The following CHD6 variants were observed in gnomAD, a reference collection of about 807,000 sequenced individuals.
CHD6 encodes the protein chromodomain helicase DNA binding protein 6.
Under a neutral mutation model 276.9 loss-of-function variants are expected in CHD6, and 50 were observed. That is an observed-to-expected ratio of 0.18 (90% CI 0.14 to 0.23). CHD6 has a LOEUF of 0.23. Ranked by LOEUF, CHD6 falls within the 10% of genes least tolerant of loss-of-function variation. The pLI, the probability that CHD6 is intolerant of heterozygous loss-of-function variation, is 1.00. For synonymous variants in CHD6, 1,173 were observed against 1,229.3 expected (o/e 0.95, Z 0.96); for missense variants, 2,564 against 3,365.8 (o/e 0.76, Z 5.89).
intron 28 of CHD6, 65 bp downstream of exon 28, chr20:41,426,028 A>G: frequency 8.5e-7 from 1 of 1,171,236 alleles, no homozygotes; most frequent in Non-Finnish European, 1.3e-6. Flanking sequence ...ATTACATATA[A>G]ACTCCACGAT....
chr20:41,489,321 A>G (rs969363562), intron 12 of CHD6, among the ~76,000 whole-genome samples: 2 of 152,186 alleles, frequency 1.3e-5, no homozygotes, highest in African/African-American at 4.8e-5. Flanking sequence ...TAAAAACTTA[A>G]AGAGAAAATG....
chr20:41,589,350 G>GCC (rs2045630960), intron 1 of CHD6, among the ~76,000 whole-genome samples: 1 of 152,132 alleles, frequency 6.6e-6, no homozygotes, highest in African/African-American at 2.4e-5. Flanking sequence ...TCAACATAGT[G>GCC]TTGGAAGTTC....
intron 6 of CHD6, among the ~76,000 whole-genome samples, chr20:41,498,776 T>C (rs955179121): frequency 1.6e-5 from 2 of 125,160 alleles, no homozygotes; most frequent in Admixed American, 8.4e-5. Context: ...TGGGTGTGTA[T>C]GTGTGTATGT....
At chr20:41,441,629 G>A (rs1569081526) in intron 25 of CHD6, among the ~76,000 whole-genome samples, 1 of 152,200 alleles carries the variant, frequency 6.6e-6, no homozygotes, top group Non-Finnish European at 1.5e-5. Flanking sequence ...CTTCTATTCT[G>A]TAGACTTTCT....
chr20:41,555,385 G>A (rs905094523), intron 1 of CHD6, among the ~76,000 whole-genome samples: 13 of 148,710 alleles, frequency 8.7e-5, no homozygotes, highest in East Asian at 2.1e-4. Context: ...CTCCCTCCCG[G>A]ACGGGGCGGC....
intron 3 of CHD6, among the ~76,000 whole-genome samples, chr20:41,524,058 A>G (rs2044468522): frequency 6.6e-6 from 1 of 152,198 alleles, no homozygotes; most frequent in South Asian, 2.1e-4. Context: ...GAGTCTCAGA[A>G]GTCCAGTCCA....
chr20:41,538,558 C>T (rs775468244), intron 2 of CHD6, among the ~76,000 whole-genome samples: 5 of 151,968 alleles, frequency 3.3e-5, no homozygotes, highest in Non-Finnish European at 5.9e-5. Flanking sequence ...TAAATAGTGG[C>T]GATGTTTACA....
At position 41,420,939 on chromosome 20, in the gene CHD6, T is replaced by A. The variant is rs55864139; in HGVS notation, c.5696A>T (p.Asn1899Ile). ...GCCTTGGTTCTTTTCCCTTGAGATG[T>A]TAGTAGTGGGCTCCGTGAGATGCAA... Reference protein sequence around the residue: ...EVLHLTEPTTNISREKNQGFQ... With the variant: ...EVLHLTEPTTIISREKNQGFQ... The change falls in exon 31 of 37, where the codon AAC (asparagine) becomes ATC (isoleucine). Residue 1899 changes from asparagine to isoleucine, a missense_variant. Physicochemically the swap from Asn to Ile is moderately radical, Grantham distance 149. Transcript: ENST00000373233. The A allele has an allele frequency of 0.014, 21,868 of 1,614,172 alleles. 204 individuals are homozygous for A. The highest frequency in any genetic ancestry group is 0.017 in the Admixed American group (1,007 of 60,024).
At chr20:41,507,116 T>A (rs888395582) in intron 5 of CHD6, among the ~76,000 whole-genome samples, 2 of 152,180 alleles carry the variant, frequency 1.3e-5, no homozygotes, top group Non-Finnish European at 2.9e-5. Flanking sequence ...CACATGTACA[T>A]ACACTCAAAG....
At chr20:41,459,858 C>T (rs1287054277) in intron 17 of CHD6, among the ~76,000 whole-genome samples, 1 of 152,156 alleles carries the variant, frequency 6.6e-6, no homozygotes, top group Non-Finnish European at 1.5e-5. Flanking sequence ...AACGCGGAAG[C>T]GACTTTGGAA....
In CHD6 at chr20:41,402,372, G is replaced by C. The variant is rs1305127047; in HGVS notation, c.*2221C>G. 3 of 229,134 alleles carry C rather than the reference G, an allele frequency of 1.3e-5. No homozygotes were observed. The highest frequency in any genetic ancestry group is 2.2e-5 in the African/African-American group (1 of 45,114). The allele number at this position is 229,134 out of a possible 1,614,324, so 14.2% of individuals were successfully genotyped here. A position where few individuals can be genotyped will look rare whatever the true frequency, so the allele number is the denominator to read the frequency against. On this transcript the variant is annotated 3_prime_UTR_variant, in exon 37 of 37. Coordinates refer to ENST00000373233, the MANE Select transcript of CHD6 (RefSeq NM_032221.5). ...AGTCAAATAGAAGCCTGAACACCCA[G>C]AGAGTTAACATACAGATTCCATAAG... is the stretch of plus-strand genomic sequence containing the variant.
At chr20:41,459,889 G>C (rs1455039549) in intron 17 of CHD6, among the ~76,000 whole-genome samples, 1 of 152,246 alleles carries the variant, frequency 6.6e-6, no homozygotes, top group Non-Finnish European at 1.5e-5. Flanking sequence ...GGCAGAGGTT[G>C]GAACAGTTTG....
At chr20:41,453,110 G>A (rs929321002) in intron 20 of CHD6, among the ~76,000 whole-genome samples, 168 bp from the exon 21 acceptor site, 1 of 152,120 alleles carries the variant, frequency 6.6e-6, no homozygotes, top group Non-Finnish European at 1.5e-5. Context: ...CACAGGACAA[G>A]CAGAGAAGAT....
rs904762487 is a variant in CHD6 at position 41,473,603 on chromosome 20, A to T, written c.2469-86T>A. 4.7e-5 allele frequency: 51 copies of T among 1,075,666 alleles called. No individual in the cohort carries two copies. The highest frequency in any genetic ancestry group is 6.8e-5 in the Non-Finnish European group (49 of 722,570). 66.6% of individuals were successfully genotyped at this position (1,075,666 alleles called of 1,614,324 possible). Reference sequence around the variant, plus strand: ...ACAAAATGCAGGAAGCTGTCGACTGATGGCCTTAAATCCCTCACTTCTAAA... The same window carrying T: ...ACAAAATGCAGGAAGCTGTCGACTGTTGGCCTTAAATCCCTCACTTCTAAA... On this transcript the variant is annotated intron_variant, in intron 16 of 36. Coordinates refer to ENST00000373233, the MANE Select transcript of CHD6 (RefSeq NM_032221.5). This position sits in a 1 kb window ranked among gnomAD's most constrained non-coding sequence, Gnocchi z 4.1.
chr20:41,448,088 G>T (rs2048125039), intron 23 of CHD6, 117 bp from the exon 24 acceptor site: 1 of 525,904 alleles, frequency 1.9e-6, no homozygotes, highest in South Asian at 3.6e-5. Context: ...ATATTATGAA[G>T]TAATAGAAGA....
At chr20:41,576,033 A>C (rs1250410872) in intron 1 of CHD6, among the ~76,000 whole-genome samples, 3 of 152,246 alleles carry the variant, frequency 2.0e-5, no homozygotes, top group Admixed American at 2.0e-4. Flanking sequence ...GATGAAAAAG[A>C]AAGCTTCTTT....
At position 41,473,075 on chromosome 20, in the gene CHD6, T is replaced by C; in HGVS notation, c.2664+247A>G. On this transcript the variant is annotated intron_variant, in intron 17 of 36. Coordinates refer to ENST00000373233, the MANE Select transcript of CHD6 (RefSeq NM_032221.5). This position sits in a 1 kb window ranked among gnomAD's most constrained non-coding sequence, Gnocchi z 4.1. ...ATAATAATAATTAGTAGTTCTAGTC[T>C]ATATCTGGAGGCTACCACTGTGAAA... is the stretch of plus-strand genomic sequence containing the variant. 2.2e-6 allele frequency: 1 copy of C among 447,502 alleles called. No homozygotes were observed. The highest frequency in any genetic ancestry group is 4.0e-6 in the Non-Finnish European group (1 of 251,930). 27.7% of individuals were successfully genotyped at this position (447,502 alleles called of 1,614,324 possible).
intron 3 of CHD6, among the ~76,000 whole-genome samples, chr20:41,531,585 C>G (rs984593720): frequency 6.6e-6 from 1 of 152,156 alleles, no homozygotes; most frequent in African/African-American, 2.4e-5. Flanking sequence ...TTTTGTCTAC[C>G]TCTCTCTTGG....
Position 41,582,394 on chromosome 20 carries a change from T to C in CHD6, c.-23-31034A>G, listed in dbSNP as rs190904135. 5.1e-4 allele frequency among the ~76,000 whole-genome samples: 78 copies of C among 152,294 alleles called. No individual in the cohort carries two copies. The East Asian group carries it at 0.015, about 29-fold the overall frequency. On this transcript the variant is annotated intron_variant, in intron 1 of 36. Coordinates refer to ENST00000373233, the MANE Select transcript of CHD6 (RefSeq NM_032221.5). ...ATTATAAAAGGAAACAATATGGAAA[T>C]GTGAAACTTTATAATAATTGAAAAT... is the stretch of plus-strand genomic sequence containing the variant.
Sources: allele counts gnomAD v4.1 joint callset (sites outside exome capture counted in the v4.1 genomes callset), GRCh38; gene constraint gnomAD v4.1.1; non-coding constraint Gnocchi (gnomAD v3.1); transcripts MANE v1.5; gene names NCBI Gene and HGNC (gene_info 2026-07-23, HGNC 2026-07-21).